TRPC6: variants seen among roughly 807,000 people sequenced by gnomAD.
TRPC6 encodes short transient receptor potential channel 6.
In TRPC6, 55 loss-of-function variants were observed where a neutral mutation model predicts 90.7. The ratio of observed to expected loss-of-function variants is 0.61; its 90% CI spans 0.49 to 0.76. The LOEUF (loss-of-function observed/expected upper bound fraction) is 0.76. Ranked by LOEUF, TRPC6 falls within the 30% of genes least tolerant of loss-of-function variation. The pLI is 0.00. For synonymous variants in TRPC6, 393 were observed against 393.0 expected (o/e 1.00, Z 0.00); for missense variants, 989 against 1,122.7 (o/e 0.88, Z 1.70).
At chr11:101,464,483 G>C (rs553336689) in intron 10 of TRPC6, among the ~76,000 whole-genome samples, 2 of 152,262 alleles carry the variant, frequency 1.3e-5, no homozygotes, top group Admixed American at 6.5e-5. Flanking sequence ...CCTGTATTGA[G>C]TGCATGTATA....
At chr11:101,484,115 C>G (rs1286389297) in intron 4 of TRPC6, among the ~76,000 whole-genome samples, 1 of 152,102 alleles carries the variant, frequency 6.6e-6, no homozygotes, top group East Asian at 1.9e-4. Context: ...AAAATACAAC[C>G]AACACTTAGT....
intron 5 of TRPC6, among the ~76,000 whole-genome samples, chr11:101,478,304 C>A (rs1051031411): frequency 2.6e-5 from 4 of 152,110 alleles, no homozygotes; most frequent in Admixed American, 1.3e-4. Context: ...GGATTGAATT[C>A]ATATATAATC....
In TRPC6 at chr11:101,583,340, G is replaced by T. The variant is rs1213917373; in HGVS notation, c.164C>A (p.Pro55His). The change falls in exon 1 of 13, where the codon CCC becomes CAC. Residue 55 changes from proline to histidine, a missense_variant. This residue lies in a region of TRPC6 where 194 missense variants were observed against 136.5 expected (regional missense o/e 1.42). Coordinates refer to ENST00000344327, the MANE Select transcript of TRPC6 (RefSeq NM_004621.6). ...CCGCGTCGCCGGCACTCACAAGCAG[G>T]GGTAGTAGCCGTAGCAAGGCAGCGG... ...QAPLPCYGYYPCFRGSDNRLA... is the reference protein window; with the variant it reads ...QAPLPCYGYYHCFRGSDNRLA... 2 of 1,588,470 alleles carry T rather than the reference G, an allele frequency of 1.3e-6. No individual in the cohort carries two copies. Among genetic ancestry groups the T allele is most frequent in the East Asian group, 2.3e-5 (1 of 43,376 alleles).
At chr11:101,583,231 C>A in intron 1 of TRPC6, 103 bp downstream of exon 1, 1 of 1,479,016 alleles carries the variant, frequency 6.8e-7, no homozygotes. Flanking sequence ...GAGGTACACA[C>A]GCGGGTTCAG....
chr11:101,499,099 TTC>T (rs1357272524), intron 2 of TRPC6, among the ~76,000 whole-genome samples: 21 of 152,300 alleles, frequency 1.4e-4, no homozygotes, highest in Middle Eastern at 3.4e-3. Flanking sequence ...GAATGAACGC[TTC>T]TTGAGTGAGA....
intron 1 of TRPC6, among the ~76,000 whole-genome samples, chr11:101,542,992 A>C (rs1281088644): frequency 6.6e-6 from 1 of 152,174 alleles, no homozygotes; most frequent in East Asian, 1.9e-4. Flanking sequence ...AAAATGCTAA[A>C]AACAAATTAT....
chr11:101,557,563 A>C (rs1029196931), intron 1 of TRPC6, among the ~76,000 whole-genome samples: 1 of 152,140 alleles, frequency 6.6e-6, no homozygotes, highest in Non-Finnish European at 1.5e-5. Flanking sequence ...GGAAGAAGTT[A>C]AATTTTCTCT....
In TRPC6 at chr11:101,567,470, C is replaced by A. The variant is rs183696972; in HGVS notation, c.170+15864G>T. ...AGACTTAAACGTCCCTGCCAGGCAG[C>A]TCTGAAGAGAGCAGTGGATCTCCCA... On this transcript the variant is annotated intron_variant, in intron 1 of 12. Transcript: ENST00000344327. 2.5e-3 allele frequency among the ~76,000 whole-genome samples: 384 copies of A among 152,360 alleles called. 2 individuals carry two copies. The highest frequency in any genetic ancestry group is 8.9e-3 in the African/African-American group (370 of 41,588).
At chr11:101,515,034 A>T (rs1201301243) in intron 1 of TRPC6, among the ~76,000 whole-genome samples, 1 of 152,254 alleles carries the variant, frequency 6.6e-6, no homozygotes, top group South Asian at 2.1e-4. Context: ...AGGGAACAGC[A>T]TCAAGGATAG....
chr11:101,521,485 G>A (rs375171380), intron 1 of TRPC6, among the ~76,000 whole-genome samples: 25 of 152,344 alleles, frequency 1.6e-4, no homozygotes, highest in African/African-American at 5.3e-4. Flanking sequence ...CAGGGGCTGC[G>A]CCCTCATGAG....
chr11:101,561,030 T>C (rs763765469), intron 1 of TRPC6, among the ~76,000 whole-genome samples: 2 of 152,212 alleles, frequency 1.3e-5, no homozygotes, highest in Non-Finnish European at 2.9e-5. Flanking sequence ...TTTGTTGTAT[T>C]GGATTTAAAA....
chr11:101,493,316 C>T (rs931637657), intron 2 of TRPC6, among the ~76,000 whole-genome samples: 2 of 152,136 alleles, frequency 1.3e-5, no homozygotes, highest in East Asian at 3.9e-4. Context: ...TTGTGTTGAG[C>T]TGTGTTCAAA....
chr11:101,535,772 T>C (rs1185360327), intron 1 of TRPC6, among the ~76,000 whole-genome samples: 1 of 152,002 alleles, frequency 6.6e-6, no homozygotes, highest in Non-Finnish European at 1.5e-5. Flanking sequence ...ATGACCTACC[T>C]GGAAAAATTT....
At chr11:101,469,336 T>A in intron 10 of TRPC6, 91 bp downstream of exon 10, 1 of 698,852 alleles carries the variant, frequency 1.4e-6, no homozygotes, top group Non-Finnish European at 2.6e-6. Flanking sequence ...TGTTCTCTAC[T>A]TGCTAAAATT....
chr11:101,483,278 AATTG>A, intron 4 of TRPC6, 113 bp from the exon 5 acceptor site: 1 of 1,206,260 alleles, frequency 8.3e-7, no homozygotes, highest in Non-Finnish European at 1.2e-6. Context: ...CTCCTGAGAT[AATTG>A]TTTATATTTA....
intron 1 of TRPC6, among the ~76,000 whole-genome samples, chr11:101,529,613 G>A (rs897420540): frequency 2.0e-5 from 3 of 152,190 alleles, no homozygotes; most frequent in African/African-American, 7.2e-5. Flanking sequence ...CTTAAAAAAT[G>A]CACTTATTTA....
At position 101,504,006 on chromosome 11, in the gene TRPC6, CTATT is replaced by C. The variant is rs780476647; in HGVS notation, c.945+14_945+17del. 1.2e-6 allele frequency: 2 copies of C among 1,613,794 alleles called. No individual in the cohort carries two copies. Among genetic ancestry groups the C allele is most frequent in the African/African-American group, 2.7e-5 (2 of 74,890 alleles). On this transcript the variant is annotated intron_variant, in intron 2 of 12. Transcript: ENST00000344327. ...CTCTGGCTTGTGGAGGGTGAAGTCT[CTATT>C]GTTAGTGACCTACCTTGAACTCTTT... is the stretch of plus-strand genomic sequence containing the variant.
chr11:101,583,310 C>G (rs1267994063), intron 1 of TRPC6, 24 bp downstream of exon 1: 1 of 1,561,764 alleles, frequency 6.4e-7, no homozygotes, highest in Admixed American at 1.8e-5. Context: ...CGCGCCCGAT[C>G]CGCCCCGCGT....
intron 1 of TRPC6, among the ~76,000 whole-genome samples, chr11:101,560,610 C>A (rs886224635): frequency 6.6e-6 from 1 of 151,914 alleles, no homozygotes; most frequent in African/African-American, 2.4e-5. Context: ...ACCCGAAAGC[C>A]CCATACAGCA....
Sources: gnomAD v4.1 joint callset for allele counts (sites outside exome capture counted in the v4.1 genomes callset) on GRCh38, gnomAD v4.1.1 for gene constraint, gnomAD v4.1.1 regional missense constraint, MANE v1.5 for transcripts, NCBI Gene and HGNC (gene_info 2026-07-23, HGNC 2026-07-21) for gene names.